MPRIP: variants seen among roughly 807,000 people sequenced by gnomAD.
MPRIP encodes myosin phosphatase Rho-interacting protein.
MPRIP carries 59 observed loss-of-function variants against 234.9 expected under a neutral mutation model. The observed-to-expected ratio is 0.25, with a 90% CI of 0.20 to 0.31. MPRIP has a LOEUF of 0.31. Among genes scored for constraint, MPRIP ranks in the 10% least tolerant of loss-of-function variants. The pLI, the probability that MPRIP is intolerant of heterozygous loss-of-function variation, is 1.00. For missense variants in MPRIP, 2,436 were observed against 3,071.0 expected (o/e 0.79, Z 4.89); for synonymous variants, 1,144 against 1,263.9 (o/e 0.91, Z 2.01).
intron 3 of MPRIP, among the ~76,000 whole-genome samples, chr17:17,122,820 G>T (rs1289203711): frequency 6.6e-6 from 1 of 152,244 alleles, no homozygotes; most frequent in Non-Finnish European, 1.5e-5. Flanking sequence ...TAGTCTGGCA[G>T]CTCCTCAGAG....
chr17:17,170,445 T>C (rs1213913968), intron 16 of MPRIP, among the ~76,000 whole-genome samples: 1 of 152,046 alleles, frequency 6.6e-6, no homozygotes, highest in Non-Finnish European at 1.5e-5. Flanking sequence ...AGCTGAGACA[T>C]TCACCCAGAG....
chr17:17,182,109 A>G (rs1378595657), intron 23 of MPRIP: 1 of 152,182 alleles, frequency 6.6e-6, no homozygotes, highest in Non-Finnish European at 1.5e-5. Flanking sequence ...CTCCCAGGAG[A>G]CATTAGGAGG....
In MPRIP at chr17:17,058,018, T is replaced by C. The variant is rs899145908; in HGVS notation, c.123+15047T>C. 31 of 337,844 alleles carry C rather than the reference T, an allele frequency of 9.2e-5. No individual in the cohort carries two copies. The East Asian group carries it at 1.8e-3, about 20-fold the overall frequency. The allele number at this position is 337,844 out of a possible 1,614,324, so 20.9% of individuals were successfully genotyped here. ...AAGCATCCTTCACGCCCCTCCCCAG[T>C]GGTATCCCTTTCACAGAGGTGACCT... On this transcript the variant is annotated intron_variant, in intron 1 of 23. Transcript: ENST00000651222.
At chr17:17,100,365 A>G (rs889249061) in intron 3 of MPRIP, among the ~76,000 whole-genome samples, 9 of 152,184 alleles carry the variant, frequency 5.9e-5, no homozygotes, top group African/African-American at 2.2e-4. Flanking sequence ...CCCTTGTCGA[A>G]CCAGTCAAAA....
At position 17,115,734 on chromosome 17, in the gene MPRIP, A is replaced by T. The variant is rs375645303; in HGVS notation, c.268-10968A>T. On this transcript the variant is annotated intron_variant, in intron 3 of 23. Coordinates refer to ENST00000651222, the MANE Select transcript of MPRIP (RefSeq NM_001364716.4). ...TCGATTGGCCTGTCCTGGACGCTTGATGTAAATGGAGTCATGCAGCATCAT... is the reference window on the plus strand; with the variant it reads ...TCGATTGGCCTGTCCTGGACGCTTGTTGTAAATGGAGTCATGCAGCATCAT... Among the ~76,000 whole-genome samples, 4 of 152,186 alleles carry T rather than the reference A, an allele frequency of 2.6e-5. No individual in the cohort carries two copies. The East Asian group carries it at 7.7e-4, about 29-fold the overall frequency.
At chr17:17,060,032 C>T (rs1243049486) in intron 1 of MPRIP, among the ~76,000 whole-genome samples, 1 of 152,198 alleles carries the variant, frequency 6.6e-6, no homozygotes, top group African/African-American at 2.4e-5. Flanking sequence ...GTAGCCTGCA[C>T]CCAGCCTTGA....
rs1435626858 is a variant in MPRIP, at chr17:17,165,491, G to A, written c.3900G>A (p.Arg1300=). ...CAAAGTCAGTGGAAGTGCTTGACAG[G>A]GAGGGCCATCAGCAGGGCACAGCCA... ...VPPKSVEVLD[R]EGHQQGTAKL... The change falls in exon 16 of 24, where the codon AGG becomes AGA. Residue 1300 remains arginine, a synonymous_variant. Transcript: ENST00000651222. 3 of 1,304,232 alleles carry A rather than the reference G, an allele frequency of 2.3e-6. No individual in the cohort carries two copies. In the Admixed American group the frequency reaches 6.9e-5, roughly 30 times the overall value. The allele number at this position is 1,304,232 out of a possible 1,614,324, so 80.8% of individuals were successfully genotyped here.
At chr17:17,129,184 T>G (rs2090549833) in intron 4 of MPRIP, among the ~76,000 whole-genome samples, 1 of 152,176 alleles carries the variant, frequency 6.6e-6, no homozygotes, top group African/African-American at 2.4e-5. Context: ...ATAGCTCTTT[T>G]AGACGAGGTG....
At chr17:17,080,583 C>A (rs978450406) in intron 3 of MPRIP, among the ~76,000 whole-genome samples, 1 of 152,170 alleles carries the variant, frequency 6.6e-6, no homozygotes, top group South Asian at 2.1e-4. Context: ...TTGATTGTCA[C>A]ACCTGGGGCA....
intron 8 of MPRIP, 67 bp downstream of exon 8, chr17:17,142,832 G>T: frequency 1.3e-6 from 2 of 1,550,904 alleles, no homozygotes; most frequent in Non-Finnish European, 1.8e-6. Context: ...CACCCCATGC[G>T]CCAAGTCCCC....
At position 17,175,369 on chromosome 17, in the gene MPRIP, C is replaced by T; in HGVS notation, c.6827C>T (p.Thr2276Ile). ...LLTGDGGGEA[T>I]GSPLAQGKDA... ...ACTGGGGACGGCGGTGGGGAGGCCA[C>T]TGGGTCACCCCTTGCACAGGGCAAG... Residue 2276 changes from threonine (T) to isoleucine (I), a missense_variant, in exon 20 of 24, where the codon ACT becomes ATT. Coordinates refer to ENST00000651222, the MANE Select transcript of MPRIP (RefSeq NM_001364716.4). 6.2e-7 allele frequency: 1 copy of T among 1,613,258 alleles called. No individual in the cohort carries two copies. The highest frequency in any genetic ancestry group is 8.5e-7 in the Non-Finnish European group (1 of 1,179,900).
chr17:17,171,148 C>T (rs1287167369), intron 16 of MPRIP: 2 of 152,446 alleles, frequency 1.3e-5, no homozygotes, highest in Non-Finnish European at 2.9e-5. Flanking sequence ...GTCCCAACCC[C>T]CAGCTCCCAG....
chr17:17,184,751 T>TGGTCC (rs1037692259), intron 23 of MPRIP, 72 bp from the exon 24 acceptor site: 16 of 1,216,892 alleles, frequency 1.3e-5, no homozygotes, highest in African/African-American at 1.0e-4. Flanking sequence ...CGGTCCGGTC[T>TGGTCC]GGTCCGGTCC....
intron 3 of MPRIP, among the ~76,000 whole-genome samples, chr17:17,106,935 C>T (rs185476883): frequency 1.3e-5 from 2 of 152,268 alleles, no homozygotes; most frequent in Admixed American, 1.3e-4. Flanking sequence ...GACTTCTTTC[C>T]CAGATGCTGG....
At chr17:17,177,123 G>C in intron 21 of MPRIP, 127 bp from the exon 22 acceptor site, 1 of 956,604 alleles carries the variant, frequency 1.0e-6, no homozygotes, top group Non-Finnish European at 1.6e-6. Context: ...AGACAGAGGT[G>C]AACAAGCCTC....
In MPRIP at chr17:17,164,663, G is replaced by A. The variant is rs1364724991; in HGVS notation, c.3072G>A (p.Leu1024=). The change falls in exon 16 of 24, where the codon CTG becomes CTA. Residue 1024 remains leucine (L), a synonymous_variant. Coordinates refer to ENST00000651222, the MANE Select transcript of MPRIP (RefSeq NM_001364716.4). The part of the protein sequence containing the change: ...MEEKLQRNYE[L]LLESCEKEKQ... ...AGAAGCTGCAGAGAAACTATGAGCTGCTGCTGGAGAGCTGTGAGAAGGAGA... is the reference window on the plus strand; with the variant it reads ...AGAAGCTGCAGAGAAACTATGAGCTACTGCTGGAGAGCTGTGAGAAGGAGA... 20 of 1,244,490 alleles carry A rather than the reference G, an allele frequency of 1.6e-5. No individual in the cohort carries two copies. Among genetic ancestry groups the A allele is most frequent in the Non-Finnish European group, 2.1e-5 (20 of 963,242 alleles). 77.1% of individuals were successfully genotyped at this position (1,244,490 alleles called of 1,614,324 possible).
chr17:17,092,344 A>G (rs916994129), intron 3 of MPRIP, among the ~76,000 whole-genome samples: 11 of 152,144 alleles, frequency 7.2e-5, no homozygotes, highest in Admixed American at 6.5e-4. Context: ...GGCTGTGAAT[A>G]TATGTCAGGT....
Position 17,166,993 on chromosome 17 carries a change from C to T in MPRIP, c.5402C>T (p.Pro1801Leu). The change falls in exon 16 of 24, where the codon CCA becomes CTA. Residue 1801 changes from proline to leucine, a missense_variant. This residue lies in a region of MPRIP where 1,998 missense variants were observed against 2,520.3 expected (regional missense o/e 0.79). Transcript: ENST00000651222. This position sits in a 1 kb window ranked among gnomAD's most constrained non-coding sequence, Gnocchi z 4.4. Reference protein sequence around the residue: ...SLLEEIAAALPSLPPVESLRD... With the variant: ...SLLEEIAAALLSLPPVESLRD... ...TTAGAGGAGATAGCGGCTGCCTTAC[C>T]ATCTCTGCCACCTGTGGAATCGCTG... is the stretch of plus-strand genomic sequence containing the variant. 3 of 1,304,260 alleles carry T rather than the reference C, an allele frequency of 2.3e-6. No individual in the cohort carries two copies. The highest frequency in any genetic ancestry group is 3.0e-6 in the Non-Finnish European group (3 of 988,968). The allele number at this position is 1,304,260 out of a possible 1,614,324, so 80.8% of individuals were successfully genotyped here.
At chr17:17,067,679 A>G (rs2097026943) in intron 1 of MPRIP, among the ~76,000 whole-genome samples, 1 of 150,712 alleles carries the variant, frequency 6.6e-6, no homozygotes, top group South Asian at 2.1e-4. Flanking sequence ...TCTTTATTTC[A>G]TTTTTAAAAA....
Sources: gnomAD v4.1 joint callset for allele counts (sites outside exome capture counted in the v4.1 genomes callset) on GRCh38, gnomAD v4.1.1 for gene constraint, gnomAD v4.1.1 regional missense constraint, Gnocchi (gnomAD v3.1) non-coding constraint, MANE v1.5 for transcripts, NCBI Gene and HGNC (gene_info 2026-07-23, HGNC 2026-07-21) for gene names.